The following XPO4 variants were observed in gnomAD, a reference collection of about 807,000 sequenced individuals.
XPO4 encodes exportin-4.
Under a neutral mutation model 143.0 loss-of-function variants are expected in XPO4, and 39 were observed. The observed-to-expected ratio is 0.27, with a 90% CI of 0.21 to 0.36. The LOEUF (loss-of-function observed/expected upper bound fraction) is 0.36. Ranked by LOEUF, XPO4 falls within the 10% of genes least tolerant of loss-of-function variation. The probability of loss-of-function intolerance (pLI) is 1.00; values close to 1 mark genes in which losing one functional copy is unlikely to be tolerated. For synonymous variants in XPO4, 439 were observed against 474.0 expected (o/e 0.93, Z 0.96); for missense variants, 907 against 1,348.0 (o/e 0.67, Z 5.12).
intron 9 of XPO4, among the ~76,000 whole-genome samples, chr13:20,817,061 G>A (rs566760667): frequency 2.0e-5 from 3 of 152,288 alleles, no homozygotes; most frequent in South Asian, 4.1e-4. Context: ...TACAAGAACC[G>A]TTTGGTGGGG....
chr13:20,829,052 T>C (rs899958675), intron 6 of XPO4, among the ~76,000 whole-genome samples: 7 of 152,220 alleles, frequency 4.6e-5, no homozygotes, highest in South Asian at 2.1e-4. Context: ...CCAAAGGCTA[T>C]AGTATATGAA....
chr13:20,876,093 C>CAAAAAAAAAAA (rs11301411), intron 1 of XPO4, among the ~76,000 whole-genome samples: 4 of 90,740 alleles, frequency 4.4e-5, no homozygotes, highest in Non-Finnish European at 4.4e-5. Context: ...CTACTAAATA[C>CAAAAAAAAAAA]AAAAAAAAAA....
rs1196591313 is a variant in XPO4, at chr13:20,879,228, A to G, written c.70-10527T>C. On this transcript the variant is annotated intron_variant, in intron 1 of 22. Coordinates refer to ENST00000255305, the MANE Select transcript of XPO4 (RefSeq NM_022459.5). ...GGGATCTAACAAGATATCCCTCCAC[A>G]TAAAGCTGGGATCCTCAGCGCAAGG... 4 of 985,316 alleles carry G rather than the reference A, an allele frequency of 4.1e-6. No individual in the cohort carries two copies. The African/African-American group carries it at 5.2e-5, about 13-fold the overall frequency. The allele number at this position is 985,316 out of a possible 1,614,324, so 61.0% of individuals were successfully genotyped here. A position where few individuals can be genotyped will look rare whatever the true frequency, so the allele number is the denominator to read the frequency against.
At chr13:20,825,736 G>A (rs982586531) in intron 7 of XPO4, among the ~76,000 whole-genome samples, 1 of 152,152 alleles carries the variant, frequency 6.6e-6, no homozygotes, top group African/African-American at 2.4e-5. Context: ...GTCAGATGAG[G>A]CAGGCAACGG....
At chr13:20,792,918 GC>G (rs1435313837) in intron 18 of XPO4, among the ~76,000 whole-genome samples, 2 of 151,864 alleles carry the variant, frequency 1.3e-5, no homozygotes, top group Admixed American at 1.3e-4. Flanking sequence ...TTCCTGAGTA[GC>G]TGGGATTACA....
chr13:20,865,716 C>T, intron 2 of XPO4: 1 of 409,756 alleles, frequency 2.4e-6, no homozygotes, highest in Non-Finnish European at 3.3e-6. Context: ...GGTAGTGAAG[C>T]CACAGATATA....
At chr13:20,865,553 C>A in intron 2 of XPO4, 1 of 974,690 alleles carries the variant, frequency 1.0e-6, no homozygotes, top group Non-Finnish European at 1.2e-6. Flanking sequence ...ACCACAGTAA[C>A]TTTCTTTAAT....
intron 7 of XPO4, among the ~76,000 whole-genome samples, chr13:20,823,360 A>G (rs2059743662): frequency 6.6e-6 from 1 of 152,234 alleles, no homozygotes; most frequent in Admixed American, 6.5e-5. Flanking sequence ...ATCCTTGTTC[A>G]CTGAGTCCCT....
chr13:20,798,753 G>C (rs1218555506), intron 16 of XPO4, among the ~76,000 whole-genome samples: 1 of 151,956 alleles, frequency 6.6e-6, no homozygotes, highest in Non-Finnish European at 1.5e-5. Flanking sequence ...ACAGTGGCTG[G>C]TCACATCTGT....
rs1348416821 is a variant in XPO4, at chr13:20,781,862, C to G, written c.*1860G>C. 1 of 151,914 alleles carries G rather than the reference C, an allele frequency of 6.6e-6. No homozygotes were observed. The highest frequency in any genetic ancestry group is 1.9e-4 in the East Asian group (1 of 5,188). The allele number at this position is 151,914 out of a possible 1,614,324, so 9.4% of individuals were successfully genotyped here. On this transcript the variant is annotated 3_prime_UTR_variant, in exon 23 of 23. Coordinates refer to ENST00000255305, the MANE Select transcript of XPO4 (RefSeq NM_022459.5). ...ACAATGCAAAACAAATAGATTACTG[C>G]TGCATATCACTTCAAGTTTTTTAAG...
chr13:20,842,918 C>G lies in XPO4; in HGVS notation c.704G>C (p.Ser235Thr). The G allele has an allele frequency of 6.2e-7, 1 of 1,611,362 alleles. No homozygotes were observed. The highest frequency in any genetic ancestry group is 8.5e-7 in the Non-Finnish European group (1 of 1,178,256). ...RYLALANQVL[S>T]WNFLPPNLGR... is the part of the protein sequence containing the mutation. The stretch of plus-strand genomic sequence containing the variant: ...ATAATTTGGAGGAAGAAAGTTCCAG[C>G]TCAAGACTTGATTGGCGAGTGCAAG... Residue 235 changes from serine (S) to threonine (T), a missense_variant, in exon 6 of 23, where the codon AGC (serine) becomes ACC (threonine). Coordinates refer to ENST00000255305, the MANE Select transcript of XPO4 (RefSeq NM_022459.5).
chr13:20,784,027 A>G lies in XPO4; in HGVS notation c.3259-108T>C, dbSNP rs149619170. Reference sequence around the variant, plus strand: ...TCTAAAAGGCAGGGACACATTTTTAAGAGTTAACATTTAGAATAATTCAGC... The same window carrying G: ...TCTAAAAGGCAGGGACACATTTTTAGGAGTTAACATTTAGAATAATTCAGC... On this transcript the variant is annotated intron_variant, in intron 22 of 22. Coordinates refer to ENST00000255305, the MANE Select transcript of XPO4 (RefSeq NM_022459.5). The G allele has an allele frequency of 7.4e-4, 769 of 1,043,194 alleles. 1 individual carries two copies. The highest frequency in any genetic ancestry group is 9.5e-4 in the Non-Finnish European group (664 of 699,618). The allele number at this position is 1,043,194 out of a possible 1,614,324, so 64.6% of individuals were successfully genotyped here.
rs1235672542 is a variant in XPO4 at position 20,779,651 on chromosome 13, G to A, written c.*4071C>T. The A allele has an allele frequency of 2.0e-5, 3 of 152,536 alleles. No homozygotes were observed. Among genetic ancestry groups the A allele is most frequent in the East Asian group, 3.9e-4 (2 of 5,188 alleles). 9.4% of individuals were successfully genotyped at this position (152,536 alleles called of 1,614,324 possible). A position where few individuals can be genotyped will look rare whatever the true frequency, so the allele number is the denominator to read the frequency against. ...CGCCACGGCCGACTTCAGCATTCTC[G>A]TCTTTACTAAGACTTACCCATAGAG... On this transcript the variant is annotated 3_prime_UTR_variant, in exon 23 of 23. Transcript: ENST00000255305.
intron 3 of XPO4, 70 bp downstream of exon 3, chr13:20,862,647 A>C: frequency 6.3e-7 from 1 of 1,580,480 alleles, no homozygotes; most frequent in Non-Finnish European, 8.6e-7. Flanking sequence ...AAATGCAAAC[A>C]AAAAAAGCTC....
chr13:20,850,142 A>G lies in XPO4; in HGVS notation c.456+5485T>C, dbSNP rs143400290. The G allele has an allele frequency of 8.1e-6, 8 of 985,180 alleles. No homozygotes were observed. The African/African-American group carries it at 1.4e-4, about 17-fold the overall frequency. 61.0% of individuals were successfully genotyped at this position (985,180 alleles called of 1,614,324 possible). A position where few individuals can be genotyped will look rare whatever the true frequency, so the allele number is the denominator to read the frequency against. ...CACACAAATGATTAGTTTCACTCAT[A>G]GCATAAACATTTTCTTCTGCTTTTC... On this transcript the variant is annotated intron_variant, in intron 4 of 22. Transcript: ENST00000255305.
chr13:20,821,595 C>T (rs1566584170), intron 9 of XPO4, 109 bp downstream of exon 9: 1 of 1,197,604 alleles, frequency 8.4e-7, no homozygotes, highest in Non-Finnish European at 1.1e-6. Flanking sequence ...GTCACTTTAA[C>T]AATAGCCAGC....
At chr13:20,849,457 A>C in intron 4 of XPO4, 1 of 984,056 alleles carries the variant, frequency 1.0e-6, no homozygotes. Context: ...TATATGTTTA[A>C]ATACAGATTA....
At chr13:20,820,754 T>G (rs2059709356) in intron 9 of XPO4, among the ~76,000 whole-genome samples, 1 of 152,142 alleles carries the variant, frequency 6.6e-6, no homozygotes, top group African/African-American at 2.4e-5. Context: ...AAGTGCCCGA[T>G]TACATAAACA....
intron 2 of XPO4, 128 bp downstream of exon 2, chr13:20,868,468 T>C: frequency 7.5e-7 from 1 of 1,326,954 alleles, no homozygotes; most frequent in Non-Finnish European, 9.8e-7. Flanking sequence ...AGAATGATTA[T>C]TAATTTAAAT....
Sources: allele counts gnomAD v4.1 joint callset (sites outside exome capture counted in the v4.1 genomes callset), GRCh38; gene constraint gnomAD v4.1.1; transcripts MANE v1.5; gene names NCBI Gene and HGNC (gene_info 2026-07-23, HGNC 2026-07-21).